WDR72: variants seen among roughly 807,000 people sequenced by gnomAD.
The protein encoded by WDR72 is WD repeat-containing protein 72.
A neutral mutation model predicts 124.2 loss-of-function variants in WDR72; 120 were observed. The ratio of observed to expected loss-of-function variants is 0.97; its 90% CI spans 0.83 to 1.12. WDR72 has a LOEUF of 1.12. Ranked by LOEUF, WDR72 falls within the 50% of genes most tolerant of loss-of-function variation. The pLI is 0.00. For synonymous variants in WDR72, 452 were observed against 441.7 expected (o/e 1.02, Z -0.29); for missense variants, 1,387 against 1,278.8 (o/e 1.08, Z -1.29).
chr15:53,688,711 C>A (rs1293506496), intron 13 of WDR72, among the ~76,000 whole-genome samples: 5 of 152,098 alleles, frequency 3.3e-5, no homozygotes, highest in Admixed American at 3.3e-4. Context: ...TTGGAAAAAA[C>A]TACTTTAAAG....
intron 12 of WDR72, among the ~76,000 whole-genome samples, chr15:53,700,517 G>C (rs1036826745): frequency 1.3e-5 from 2 of 152,126 alleles, no homozygotes; most frequent in African/African-American, 2.4e-5. Context: ...TAGGCTCCCA[G>C]GACAACAATC....
At chr15:53,698,627 C>A (rs1000573244) in intron 13 of WDR72, among the ~76,000 whole-genome samples, 1 of 152,144 alleles carries the variant, frequency 6.6e-6, no homozygotes, top group Non-Finnish European at 1.5e-5. Context: ...CAAGCCCAGG[C>A]TTTAGGGCCT....
At chr15:53,575,128 T>C (rs1159163939) in intron 18 of WDR72, among the ~76,000 whole-genome samples, 2 of 151,404 alleles carry the variant, frequency 1.3e-5, no homozygotes, top group Admixed American at 6.6e-5. Flanking sequence ...CAAAAAGCAA[T>C]GTAGTAAATT....
chr15:53,614,106 A>G (rs964709829), intron 15 of WDR72, among the ~76,000 whole-genome samples: 66 of 152,182 alleles, frequency 4.3e-4, no homozygotes, highest in African/African-American at 1.4e-3. Flanking sequence ...AAAAAACCCA[A>G]TATGTTCACA....
intron 13 of WDR72, among the ~76,000 whole-genome samples, chr15:53,673,208 G>C (rs570688622): frequency 6.6e-5 from 10 of 152,150 alleles, no homozygotes; most frequent in African/African-American, 2.4e-4. Flanking sequence ...AAGTATCCTA[G>C]CCTAATATCA....
chr15:53,748,565 C>T (rs1255438592), intron 1 of WDR72, among the ~76,000 whole-genome samples: 1 of 152,058 alleles, frequency 6.6e-6, no homozygotes, highest in Non-Finnish European at 1.5e-5. Flanking sequence ...TAGTCAAATC[C>T]TTTCCTCTAC....
intron 16 of WDR72, among the ~76,000 whole-genome samples, chr15:53,612,436 C>A (rs1195428777): frequency 6.6e-6 from 1 of 151,954 alleles, no homozygotes; most frequent in Non-Finnish European, 1.5e-5. Context: ...GGCATTGGAG[C>A]AAGACTTGAT....
chr15:53,713,030 T>C (rs890986876), intron 6 of WDR72, 139 bp from the exon 7 acceptor site: 1 of 955,570 alleles, frequency 1.0e-6, no homozygotes, highest in Non-Finnish European at 1.6e-6. Flanking sequence ...TTGAGTGTTT[T>C]GAACTAAGAA....
intron 18 of WDR72, among the ~76,000 whole-genome samples, chr15:53,577,347 G>C (rs1268483868): frequency 6.6e-6 from 1 of 152,042 alleles, no homozygotes; most frequent in Non-Finnish European, 1.5e-5. Context: ...CACTATTCTA[G>C]GTTCTATCAT....
chr15:53,564,074 C>T (rs1894216404), intron 18 of WDR72, among the ~76,000 whole-genome samples: 1 of 151,812 alleles, frequency 6.6e-6, no homozygotes, highest in East Asian at 1.9e-4. Context: ...AGACCAATCA[C>T]AGAGTCAAAA....
rs1567040177 is a variant in WDR72 at position 53,706,367 on chromosome 15, T to TACATAC, written c.955-294_955-293insGTATGT. The stretch of plus-strand genomic sequence containing the variant: ...GTGTGTGTGTATATATATATATATA[T>TACATAC]ATATATATATATATATATATATATA... On this transcript the variant is annotated intron_variant, in intron 9 of 19. Coordinates refer to ENST00000360509, the MANE Select transcript of WDR72 (RefSeq NM_182758.4). Among the ~76,000 whole-genome samples the TACATAC allele has an allele frequency of 4.9e-3, 250 of 50,628 alleles. 2 individuals are homozygous for TACATAC. The highest frequency in any genetic ancestry group is 0.017 in the African/African-American group (229 of 13,306). The allele number at this position is 50,628 out of a possible 152,430, so 33.2% of individuals were successfully genotyped here.
intron 14 of WDR72, among the ~76,000 whole-genome samples, chr15:53,637,540 C>T (rs947346123): frequency 6.6e-6 from 1 of 152,194 alleles, no homozygotes; most frequent in African/African-American, 2.4e-5. Context: ...GTTGGCATAT[C>T]CAGGCTTCCA....
At chr15:53,751,114 T>C (rs1382684160) in intron 1 of WDR72, among the ~76,000 whole-genome samples, 1 of 152,138 alleles carries the variant, frequency 6.6e-6, no homozygotes, top group Non-Finnish European at 1.5e-5. Flanking sequence ...CAGAGTAATC[T>C]TTCACAAAAG....
At chr15:53,592,758 T>A (rs1203166582) in intron 18 of WDR72, among the ~76,000 whole-genome samples, 1 of 151,472 alleles carries the variant, frequency 6.6e-6, no homozygotes, top group Non-Finnish European at 1.5e-5. Flanking sequence ...AGCACTTGTT[T>A]AAACTGATCC....
chr15:53,672,685 A>G (rs2140463547), intron 13 of WDR72, among the ~76,000 whole-genome samples: 1 of 152,324 alleles, frequency 6.6e-6, no homozygotes. Context: ...CCAAATGATG[A>G]AAAAGATCTA....
At chr15:53,601,781 C>T (rs1011345691) in intron 17 of WDR72, among the ~76,000 whole-genome samples, 17 of 152,122 alleles carry the variant, frequency 1.1e-4, no homozygotes, top group African/African-American at 4.1e-4. Flanking sequence ...TTCAATTCAA[C>T]AGGAAGAGCT....
At chr15:53,545,057 G>A (rs1893372134) in intron 18 of WDR72, among the ~76,000 whole-genome samples, 2 of 147,676 alleles carry the variant, frequency 1.4e-5, no homozygotes, top group Non-Finnish European at 3.0e-5. Flanking sequence ...TGGGTAGGAA[G>A]AATCAATATC....
intron 11 of WDR72, 33 bp from the exon 12 acceptor site, chr15:53,702,387 T>C: frequency 6.6e-7 from 1 of 1,524,724 alleles, no homozygotes; most frequent in Non-Finnish European, 9.1e-7. Flanking sequence ...ATAATACAGA[T>C]GTTATTTTTG....
chr15:53,723,205 C>T (rs1161922322), intron 2 of WDR72, among the ~76,000 whole-genome samples: 11 of 151,586 alleles, frequency 7.3e-5, no homozygotes, highest in African/African-American at 2.0e-4. Context: ...TGTGTTGATG[C>T]TTCCTCTGAA....
Sources: gnomAD v4.1 joint callset for allele counts (sites outside exome capture counted in the v4.1 genomes callset) on GRCh38, gnomAD v4.1.1 for gene constraint, MANE v1.5 for transcripts, NCBI Gene and HGNC (gene_info 2026-07-23, HGNC 2026-07-21) for gene names.